Variants in COL4A4 observed in about 807,000 individuals in gnomAD.
The protein encoded by COL4A4 is collagen type IV alpha 4 chain, also known as collagen alpha-4(IV) chain.
A neutral mutation model predicts 192.9 loss-of-function variants in COL4A4; 105 were observed. The ratio of observed to expected loss-of-function variants is 0.54; its 90% CI spans 0.46 to 0.64. COL4A4 has a LOEUF of 0.64. Ranked by LOEUF, COL4A4 falls within the 30% of genes least tolerant of loss-of-function variation. The probability of loss-of-function intolerance (pLI) is 0.00; values close to 1 mark genes in which losing one functional copy is unlikely to be tolerated. For synonymous variants in COL4A4, 762 were observed against 769.9 expected (o/e 0.99, Z 0.17); for missense variants, 1,967 against 2,169.3 (o/e 0.91, Z 1.85).
Position 227,024,902 on chromosome 2 carries a change from TGGTGCTTCCTATTTA to T in COL4A4, c.4090+885_4090+899del, listed in dbSNP as rs368289654. Among the ~76,000 whole-genome samples, 916 of 152,360 alleles carry T rather than the reference TGGTGCTTCCTATTTA, an allele frequency of 6.0e-3. 5 individuals are homozygous for T. Among genetic ancestry groups the T allele is most frequent in the African/African-American group, 0.021 (874 of 41,584 alleles). ...AGTTCAGAAAGTGGGAGCATGTGTT[TGGTGCTTCCTATTTA>T]GAATTTTGATGCTCTCTTGAAATGA... On this transcript the variant is annotated intron_variant, in intron 43 of 47. Coordinates refer to ENST00000396625, the MANE Select transcript of COL4A4 (RefSeq NM_000092.5).
intron 4 of COL4A4, among the ~76,000 whole-genome samples, chr2:227,126,218 A>G (rs1238696111): frequency 6.6e-6 from 1 of 152,246 alleles, no homozygotes; most frequent in Non-Finnish European, 1.5e-5. Flanking sequence ...CATAGGTTAT[A>G]TGCAGATACT....
intron 40 of COL4A4, among the ~76,000 whole-genome samples, chr2:227,031,023 A>G (rs1283858133): frequency 6.7e-6 from 1 of 149,352 alleles, no homozygotes; most frequent in African/African-American, 2.5e-5. Context: ...GGATATGTGG[A>G]TAGATGGTTG....
At chr2:227,050,820 TC>T (rs1973936600) in intron 33 of COL4A4, among the ~76,000 whole-genome samples, 156 bp downstream of exon 33, 1 of 152,208 alleles carries the variant, frequency 6.6e-6, no homozygotes, top group Admixed American at 6.5e-5. Context: ...ATCGTGGCCT[TC>T]TAGAAGGCTC....
chr2:227,130,935 C>T (rs2062414982), intron 4 of COL4A4, among the ~76,000 whole-genome samples: 1 of 152,096 alleles, frequency 6.6e-6, no homozygotes, highest in Admixed American at 6.5e-5. Flanking sequence ...TCCCTACCCT[C>T]CACACTCACC....
At chr2:227,099,750 A>G in intron 17 of COL4A4, 61 bp from the exon 18 acceptor site, 1 of 1,422,244 alleles carries the variant, frequency 7.0e-7, no homozygotes, top group Non-Finnish European at 9.9e-7. Context: ...GTTGCCTGGC[A>G]TTAAACCAGT....
chr2:227,079,942 G>C (rs1240516601), intron 24 of COL4A4, among the ~76,000 whole-genome samples: 1 of 152,154 alleles, frequency 6.6e-6, no homozygotes, highest in East Asian at 1.9e-4. Flanking sequence ...ACGCATGTCT[G>C]AAAAATGCAG....
Position 227,151,613 on chromosome 2 carries a change from G to T in COL4A4, c.-101-4029C>A, listed in dbSNP as rs183220468. On this transcript the variant is annotated intron_variant, in intron 1 of 47. Transcript: ENST00000396625. Reference sequence around the variant, plus strand: ...TTTAACTTCTCTTGAGTAGTAAACTGCCATGGTCTGAATGTTTGTGTCCTG... The same window carrying T: ...TTTAACTTCTCTTGAGTAGTAAACTTCCATGGTCTGAATGTTTGTGTCCTG... Among the ~76,000 whole-genome samples, 395 of 152,266 alleles carry T rather than the reference G, an allele frequency of 2.6e-3. 3 individuals carry two copies. The highest frequency in any genetic ancestry group is 9.1e-3 in the African/African-American group (378 of 41,550).
chr2:227,092,746 A>T (rs2060006143), intron 20 of COL4A4, among the ~76,000 whole-genome samples: 1 of 152,196 alleles, frequency 6.6e-6, no homozygotes, highest in African/African-American at 2.4e-5. Context: ...TATTCAGTGT[A>T]AACTCTGAAT....
In COL4A4 at chr2:227,062,520, T is replaced by C. The variant is rs138869451; in HGVS notation, c.2056+10A>G. On this transcript the variant is annotated intron_variant, in intron 26 of 47. Coordinates refer to ENST00000396625, the MANE Select transcript of COL4A4 (RefSeq NM_000092.5). The stretch of plus-strand genomic sequence containing the variant: ...AAGTATATAAGACAGTAACTTCTCA[T>C]TGATAATACCTGGAGGTCCATCAAA... 2.8e-4 allele frequency: 433 copies of C among 1,563,038 alleles called. 1 individual carries two copies. The African/African-American group carries it at 4.9e-3, about 18-fold the overall frequency.
intron 23 of COL4A4, 77 bp downstream of exon 23, chr2:227,082,038 A>G: frequency 8.4e-7 from 1 of 1,190,982 alleles, no homozygotes; most frequent in South Asian, 1.2e-5. Flanking sequence ...CTATGGTCAC[A>G]GGGGAAATTA....
intron 26 of COL4A4, among the ~76,000 whole-genome samples, chr2:227,061,203 A>G (rs1976935661): frequency 6.6e-6 from 1 of 152,234 alleles, no homozygotes; most frequent in African/African-American, 2.4e-5. Flanking sequence ...ACCCATGACC[A>G]GTAAAAGTAA....
chr2:227,066,147 G>A (rs541822413), intron 25 of COL4A4, among the ~76,000 whole-genome samples: 32 of 151,972 alleles, frequency 2.1e-4, no homozygotes, highest in African/African-American at 5.1e-4. Context: ...GAAATGAAGC[G>A]AGAAGGGAAG....
intron 4 of COL4A4, among the ~76,000 whole-genome samples, chr2:227,139,317 T>C (rs940522350): frequency 2.0e-5 from 3 of 152,234 alleles, no homozygotes; most frequent in African/African-American, 7.2e-5. Flanking sequence ...AAAAGAATCA[T>C]TGATCTGACT....
intron 37 of COL4A4, among the ~76,000 whole-genome samples, chr2:227,036,430 A>C (rs959366752): frequency 2.0e-5 from 3 of 152,154 alleles, no homozygotes; most frequent in African/African-American, 7.2e-5. Context: ...TGGTTTTAGC[A>C]CTGAAATTTC....
At chr2:227,143,506 ACAC>A (rs1216001785) in intron 3 of COL4A4, among the ~76,000 whole-genome samples, 1 of 152,216 alleles carries the variant, frequency 6.6e-6, no homozygotes, top group Admixed American at 6.5e-5. Flanking sequence ...GACTCTCTGC[ACAC>A]CACAAGCTGG....
Position 227,018,800 on chromosome 2 carries a change from G to A in COL4A4, c.4216+3248C>T, listed in dbSNP as rs115204652. Among the ~76,000 whole-genome samples, 830 of 152,260 alleles carry A rather than the reference G, an allele frequency of 5.5e-3. 10 individuals are homozygous for A. Among genetic ancestry groups the A allele is most frequent in the African/African-American group, 0.019 (800 of 41,544 alleles). ...CCAGGGAAGGCCCTCCTGTGGCCAC[G>A]TGCAGCAGATGAGCCCATGAAACCC... On this transcript the variant is annotated intron_variant, in intron 44 of 47. Transcript: ENST00000396625.
chr2:227,015,087 G>T (rs968792694), intron 44 of COL4A4, among the ~76,000 whole-genome samples: 2 of 151,944 alleles, frequency 1.3e-5, no homozygotes, highest in Non-Finnish European at 2.9e-5. Flanking sequence ...TTTTAGTAGA[G>T]ACAGGGTTTC....
intron 25 of COL4A4, among the ~76,000 whole-genome samples, chr2:227,074,975 C>T (rs1473503613): frequency 6.6e-6 from 1 of 152,008 alleles, no homozygotes; most frequent in Non-Finnish European, 1.5e-5. Flanking sequence ...AGACCAATAA[C>T]AAGTTCTGAA....
In COL4A4 at chr2:227,133,783, C is replaced by T. The variant is rs576250736; in HGVS notation, c.192+6378G>A. On this transcript the variant is annotated intron_variant, in intron 4 of 47. Transcript: ENST00000396625. ...GGGGGTGCCTGTAGTCCCAGCTACT[C>T]GGGAGGCTGAGGCAGAAGAATTGCT... 2.1e-3 allele frequency among the ~76,000 whole-genome samples: 316 copies of T among 151,664 alleles called. 1 individual carries two copies. Among genetic ancestry groups the T allele is most frequent in the African/African-American group, 6.9e-3 (284 of 41,328 alleles).
Sources: allele counts gnomAD v4.1 joint callset (sites outside exome capture counted in the v4.1 genomes callset), GRCh38; gene constraint gnomAD v4.1.1; transcripts MANE v1.5; gene names NCBI Gene and HGNC (gene_info 2026-07-23, HGNC 2026-07-21).